Variants in DNAH14 observed in about 807,000 individuals in gnomAD.
The protein encoded by DNAH14 is axonemal beta dynein heavy chain 14.
DNAH14 carries 478 observed loss-of-function variants against 520.9 expected under a neutral mutation model. That is an observed-to-expected ratio of 0.92 (90% CI 0.85 to 0.99). The LOEUF is 0.99. Ranked by LOEUF, DNAH14 falls within the 50% of genes least tolerant of loss-of-function variation. The probability of loss-of-function intolerance (pLI) is 0.00; values close to 1 mark genes in which losing one functional copy is unlikely to be tolerated. For missense variants in DNAH14, 4,831 were observed against 5,234.5 expected (o/e 0.92, Z 2.38); for synonymous variants, 1,581 against 1,757.2 (o/e 0.90, Z 2.51).
At position 225,381,446 on chromosome 1, in the gene DNAH14, A is replaced by G; in HGVS notation, c.12944A>G (p.Asp4315Gly). 5 of 1,550,914 alleles carry G rather than the reference A, an allele frequency of 3.2e-6. No homozygotes were observed. The highest frequency in any genetic ancestry group is 2.4e-5 in the South Asian group (2 of 83,670). Residue 4315 changes from aspartate to glycine, a missense_variant, in exon 81 of 86, where the codon GAT becomes GGT. Physicochemically the swap from Asp to Gly is moderately conservative, Grantham distance 94. Transcript: ENST00000682510. ...TFLKQEIKRF[D>G]KLLFVIHKSL... ...TTGAAGCAAGAAATTAAACGATTTG[A>G]TAAGTTATTATTTGTCATACATAAA...
Position 225,346,000 on chromosome 1 carries a change from A to G in DNAH14, c.10717A>G (p.Arg3573Gly). The change falls in exon 70 of 86, where the codon AGA (arginine) becomes GGA (glycine). Residue 3573 changes from arginine (R) to glycine (G), a missense_variant. Physicochemically the swap from Arg to Gly is moderately radical, Grantham distance 125. Transcript: ENST00000682510. ...TGATGACAAAATTGTAGATACCTTA[A>G]GAAAATCCAAAATGACATCAAACGA... The part of the protein sequence containing the change: ...LDDDKIVDTL[R>G]KSKMTSNEIS... The G allele has an allele frequency of 6.4e-7, 1 of 1,551,444 alleles. No homozygotes were observed. The highest frequency in any genetic ancestry group is 8.7e-7 in the Non-Finnish European group (1 of 1,146,920).
chr1:225,011,841 T>A (rs1453527945), intron 10 of DNAH14, among the ~76,000 whole-genome samples: 1 of 147,604 alleles, frequency 6.8e-6, no homozygotes, highest in African/African-American at 2.5e-5. Flanking sequence ...AGCCTATGTG[T>A]GTCTTTGCAC....
intron 36 of DNAH14, among the ~76,000 whole-genome samples, chr1:225,174,192 C>T (rs1024426468): frequency 4.6e-4 from 70 of 152,146 alleles, no homozygotes; most frequent in Non-Finnish European, 3.8e-4. Context: ...AGCACACCAA[C>T]ATGGCACATG....
intron 8 of DNAH14, among the ~76,000 whole-genome samples, chr1:225,000,134 C>T (rs1011392511): frequency 3.9e-5 from 6 of 152,184 alleles, no homozygotes; most frequent in East Asian, 3.9e-4. Context: ...TGTCTTAGAA[C>T]GTCTTAATTT....
chr1:225,138,037 A>G (rs1370788296), intron 27 of DNAH14, among the ~76,000 whole-genome samples: 3 of 152,238 alleles, frequency 2.0e-5, no homozygotes, highest in South Asian at 2.1e-4. Flanking sequence ...GCTGTACTGC[A>G]CTGTGGGAGG....
chr1:225,349,449 C>T (rs1185809411), intron 71 of DNAH14, among the ~76,000 whole-genome samples: 1 of 152,054 alleles, frequency 6.6e-6, no homozygotes, highest in Non-Finnish European at 1.5e-5. Context: ...GTAATTCCTT[C>T]CCTGTGAGTA....
chr1:225,275,131 A>G (rs139422897), intron 52 of DNAH14, among the ~76,000 whole-genome samples: 1 of 152,312 alleles, frequency 6.6e-6, no homozygotes, highest in African/African-American at 2.4e-5. Flanking sequence ...CTAATGACAT[A>G]TATTTTCGAA....
In DNAH14 at chr1:225,042,903, A is replaced by G. The variant is rs751550026; in HGVS notation, c.1557A>G (p.Leu519=). The G allele has an allele frequency of 1.2e-5, 19 of 1,551,568 alleles. 1 individual carries two copies. The South Asian group carries it at 1.8e-4, about 15-fold the overall frequency. The change falls in exon 13 of 86, where the codon CTA becomes CTG. Residue 519 remains leucine (L), a synonymous_variant. Coordinates refer to ENST00000682510, the MANE Select transcript of DNAH14 (RefSeq NM_001367479.1). ...KTYAPIFEVN[L]CLRIPAESDS... is the part of the protein sequence containing the mutation. ...ATGCACCAATATTTGAAGTAAATCT[A>G]TGCTTGAGAATTCCTGCTGAGAGTG...
chr1:225,007,596 G>A, intron 10 of DNAH14, 52 bp downstream of exon 10: 1 of 1,390,006 alleles, frequency 7.2e-7, no homozygotes, highest in East Asian at 2.9e-5. Context: ...ACTAGCTGAA[G>A]CAATTGATCC....
chr1:225,006,177 C>G (rs1003409375), intron 9 of DNAH14, among the ~76,000 whole-genome samples: 2 of 152,116 alleles, frequency 1.3e-5, no homozygotes, highest in African/African-American at 4.8e-5. Flanking sequence ...TTTCCTATGC[C>G]TGTCTTTACT....
rs373470844 is a variant in DNAH14 at position 225,360,803 on chromosome 1, G to A, written c.11899G>A (p.Ala3967Thr). 1.9e-6 allele frequency: 3 copies of A among 1,551,526 alleles called. No individual in the cohort carries two copies. The highest frequency in any genetic ancestry group is 2.6e-6 in the Non-Finnish European group (3 of 1,146,970). Reference protein sequence around the residue: ...AAKAEDLILKALTKTQQWVFL... With the variant: ...AAKAEDLILKTLTKTQQWVFL... ...TAAAGCTGAAGACCTCATTTTAAAGGCACTAACAAAAACACAACAATGGGT... is the reference window on the plus strand; with the variant it reads ...TAAAGCTGAAGACCTCATTTTAAAGACACTAACAAAAACACAACAATGGGT... The change falls in exon 75 of 86, where the codon GCA becomes ACA. Residue 3967 changes from alanine to threonine, a missense_variant. Physicochemically the swap from Ala to Thr is moderately conservative, Grantham distance 58 (BLOSUM62 0). Transcript: ENST00000682510.
chr1:225,039,339 A>G (rs1318037585), intron 12 of DNAH14, among the ~76,000 whole-genome samples: 1 of 152,172 alleles, frequency 6.6e-6, no homozygotes, highest in Non-Finnish European at 1.5e-5. Context: ...TGTGTTCTTA[A>G]CTTAAAAATG....
chr1:225,019,338 A>G (rs2065470932), intron 10 of DNAH14, among the ~76,000 whole-genome samples: 2 of 152,232 alleles, frequency 1.3e-5, no homozygotes, highest in African/African-American at 4.8e-5. Flanking sequence ...AGGCCATTAC[A>G]TAACAATATA....
intron 17 of DNAH14, among the ~76,000 whole-genome samples, chr1:225,061,665 G>T (rs2501112): frequency 0.85 from 129,401 of 151,998 alleles, 58,660 homozygotes; most frequent in Non-Finnish European, 1. Flanking sequence ...CTAGATTATT[G>T]TTTTTTAAAG....
chr1:225,196,456 T>C (rs934060247), intron 38 of DNAH14, among the ~76,000 whole-genome samples: 14 of 152,216 alleles, frequency 9.2e-5, no homozygotes, highest in African/African-American at 3.4e-4. Context: ...TTTGCAATTG[T>C]GAATTGGGCT....
At chr1:225,366,532 A>T (rs2095555256) in intron 76 of DNAH14, among the ~76,000 whole-genome samples, 2 of 152,212 alleles carry the variant, frequency 1.3e-5, no homozygotes, top group Admixed American at 1.3e-4. Flanking sequence ...CAGTCGGGAA[A>T]CAGTGCTCGA....
intron 28 of DNAH14, among the ~76,000 whole-genome samples, chr1:225,141,554 C>T (rs969838472): frequency 6.6e-6 from 1 of 152,082 alleles, no homozygotes; most frequent in Non-Finnish European, 1.5e-5. Context: ...GCTTTTCCTT[C>T]TTTCTCTTTT....
intron 9 of DNAH14, 73 bp from the exon 10 acceptor site, chr1:225,007,340 G>T: frequency 7.8e-7 from 1 of 1,284,142 alleles, no homozygotes; most frequent in Non-Finnish European, 1.0e-6. Context: ...GACCTGAAAA[G>T]ACCAAATATT....
intron 68 of DNAH14, chr1:225,338,407 A>G (rs2095107040): frequency 6.0e-6 from 4 of 665,082 alleles, no homozygotes; most frequent in Non-Finnish European, 1.1e-5. Flanking sequence ...CAAACTGTGC[A>G]TGATAAAATC....
Sources: allele counts gnomAD v4.1 joint callset (sites outside exome capture counted in the v4.1 genomes callset), GRCh38; gene constraint gnomAD v4.1.1; transcripts MANE v1.5; gene names NCBI Gene and HGNC (gene_info 2026-07-23, HGNC 2026-07-21).